CSTL1: variants seen among roughly 807,000 people sequenced by gnomAD.
CSTL1 encodes cystatin like 1.
Under a neutral mutation model 14.4 loss-of-function variants are expected in CSTL1, and 14 were observed. The observed-to-expected ratio is 0.97, with a 90% CI of 0.64 to 1.52. The LOEUF (loss-of-function observed/expected upper bound fraction) is 1.52, where lower values mean the gene tolerates loss of function less well. CSTL1 is among the 40% of genes most tolerant of loss of function. CSTL1 has a pLI of 0.00. For missense variants in CSTL1, 170 were observed against 168.7 expected, an observed-to-expected ratio of 1.01 and a Z score of -0.04; for synonymous variants, 72 against 67.5, an observed-to-expected ratio of 1.07 and a Z score of -0.33.
downstream of CSTL1, among the ~76,000 whole-genome samples, chr20:23,446,011 C>A (rs761724): frequency 2.0e-5 from 3 of 151,912 alleles, no homozygotes; most frequent in East Asian, 5.8e-4. Context: ...TCCTTAAGAC[C>A]CAGCAGCCAG....
chr20:23,441,721 T>C (rs1174868866), intron 2 of CSTL1, among the ~76,000 whole-genome samples: 1 of 152,176 alleles, frequency 6.6e-6, no homozygotes, highest in Non-Finnish European at 1.5e-5. Flanking sequence ...TTTTCCTGAA[T>C]ATTTTGATGC....
chr20:23,454,050 AAC>A, the CSTL1 span, among the ~76,000 whole-genome samples: 24 of 151,836 alleles, frequency 1.6e-4, no homozygotes, highest in African/African-American at 5.1e-4. Context: ...ACAGATGCAC[AAC>A]ACACACACAT....
Position 23,440,282 on chromosome 20 carries a change from C to T in CSTL1, c.15C>T (p.Cys5=). 6.2e-7 allele frequency: 1 copy of T among 1,614,120 alleles called. No homozygotes were observed. Among genetic ancestry groups the T allele is most frequent in the Non-Finnish European group, 8.5e-7 (1 of 1,180,020 alleles). ...AGGCTGTAGACATGGGGATCGGATGCTGGAGAAACCCCCTGCTGCTGCTGA... is the reference window on the plus strand; with the variant it reads ...AGGCTGTAGACATGGGGATCGGATGTTGGAGAAACCCCCTGCTGCTGCTGA... MGIG[C]WRNPLLLLIA... The change falls in exon 2 of 4, where the codon TGC becomes TGT. Residue 5 remains cysteine, a synonymous_variant. Coordinates refer to ENST00000347397, the MANE Select transcript of CSTL1 (RefSeq NM_138283.1).
chr20:23,455,060 C>A, the CSTL1 span, among the ~76,000 whole-genome samples: 6 of 152,132 alleles, frequency 3.9e-5, no homozygotes, highest in Non-Finnish European at 5.9e-5. Context: ...GGCTGGAGCT[C>A]CAGCAGCTCT....
chr20:23,452,542 G>A, the CSTL1 span: 2 of 1,285,124 alleles, frequency 1.6e-6, no homozygotes, highest in South Asian at 1.2e-5. Flanking sequence ...ACCCGATGTG[G>A]GCGTATCAGG....
intron 3 of CSTL1, among the ~76,000 whole-genome samples, chr20:23,444,297 A>G (rs191348636): frequency 5.9e-5 from 9 of 152,286 alleles, no homozygotes; most frequent in Admixed American, 3.3e-4. Flanking sequence ...CCTCTGCGTG[A>G]AAGCAGTGGT....
chr20:23,450,627 C>T, the CSTL1 span: 3 of 1,524,422 alleles, frequency 2.0e-6, no homozygotes, highest in Non-Finnish European at 2.7e-6. Context: ...TAAAAGACGC[C>T]AGGTGAAATT....
chr20:23,445,031 A>G (rs1986937471), downstream of CSTL1: 1 of 653,524 alleles, frequency 1.5e-6, no homozygotes, highest in African/African-American at 1.8e-5. Flanking sequence ...CACAACCCAC[A>G]CACACAATGC....
chr20:23,450,070 G>T, the CSTL1 span, among the ~76,000 whole-genome samples: 1 of 152,068 alleles, frequency 6.6e-6, no homozygotes, highest in Non-Finnish European at 1.5e-5. Context: ...AAGGAGAGAG[G>T]GTGATCTTCA....
chr20:23,443,566 T>TG (rs540421881), intron 2 of CSTL1, among the ~76,000 whole-genome samples: 13 of 142,716 alleles, frequency 9.1e-5, no homozygotes, highest in South Asian at 2.5e-4. Context: ...CAGAAGGGAC[T>TG]GGGGGGGTGG....
At chr20:23,450,721 A>G in the CSTL1 span, 1 of 541,370 alleles carries the variant, frequency 1.8e-6, no homozygotes, top group South Asian at 3.0e-5. Context: ...ATTTGACCAC[A>G]AACAGAAGGA....
At chr20:23,458,382 T>G in the CSTL1 span, 1 of 152,242 alleles carries the variant, frequency 6.6e-6, no homozygotes, top group Admixed American at 6.5e-5. Flanking sequence ...AAATTTTCCA[T>G]GCACTCTTAA....
the CSTL1 span, chr20:23,450,698 C>T: frequency 1.6e-6 from 1 of 622,498 alleles, no homozygotes; most frequent in African/African-American, 1.8e-5. Flanking sequence ...CACCTCTCCA[C>T]CCCTACAATC....
chr20:23,457,818 A>G, the CSTL1 span: 1 of 152,198 alleles, frequency 6.6e-6, no homozygotes, highest in Non-Finnish European at 1.5e-5. Flanking sequence ...GTGATTTTAT[A>G]TTGCTACCTG....
rs546902915 is a variant in CSTL1, at chr20:23,443,391, G to C, written c.220-543G>C. Among the ~76,000 whole-genome samples, 149 of 152,342 alleles carry C rather than the reference G, an allele frequency of 9.8e-4. 1 individual carries two copies. Among genetic ancestry groups the C allele is most frequent in the African/African-American group, 3.5e-3 (145 of 41,584 alleles). Reference sequence around the variant, plus strand: ...CAGGCACAATTGTGGTTTGTAGTTTGTAAGTGAAAAAGCTGAGGATGCTAA... The same window carrying C: ...CAGGCACAATTGTGGTTTGTAGTTTCTAAGTGAAAAAGCTGAGGATGCTAA... On this transcript the variant is annotated intron_variant, in intron 2 of 3. Coordinates refer to ENST00000347397, the MANE Select transcript of CSTL1 (RefSeq NM_138283.1).
chr20:23,457,678 C>T, the CSTL1 span: 1 of 152,142 alleles, frequency 6.6e-6, no homozygotes, highest in South Asian at 2.1e-4. Flanking sequence ...ATTGTACTTG[C>T]ACCAGCCTTG....
chr20:23,445,652 T>C (rs1411794374), downstream of CSTL1, among the ~76,000 whole-genome samples: 1 of 152,176 alleles, frequency 6.6e-6, no homozygotes, highest in Non-Finnish European at 1.5e-5. Context: ...TTTCTGAATT[T>C]AGCATGTCCC....
At chr20:23,450,915 C>T in the CSTL1 span, among the ~76,000 whole-genome samples, 1 of 152,144 alleles carries the variant, frequency 6.6e-6, no homozygotes, top group Non-Finnish European at 1.5e-5. Flanking sequence ...TATTTGTCCT[C>T]TCTTGGCTCC....
downstream of CSTL1, among the ~76,000 whole-genome samples, chr20:23,448,385 G>A (rs1214508972): frequency 6.6e-6 from 1 of 152,220 alleles, no homozygotes; most frequent in Non-Finnish European, 1.5e-5. Context: ...AGGCAGCACA[G>A]CAGAGCTCTC....
Sources: gnomAD v4.1 joint callset for allele counts (sites outside exome capture counted in the v4.1 genomes callset) on GRCh38, gnomAD v4.1.1 for gene constraint, MANE v1.5 for transcripts, NCBI Gene and HGNC (gene_info 2026-07-23, HGNC 2026-07-21) for gene names.